RIMS1: variants seen among roughly 807,000 people sequenced by gnomAD.
The protein encoded by RIMS1 is regulating synaptic membrane exocytosis 1, also known as regulating synaptic membrane exocytosis protein 1.
Under a neutral mutation model 214.1 loss-of-function variants are expected in RIMS1, and 83 were observed. The observed-to-expected ratio is 0.39, with a 90% CI of 0.32 to 0.47. The LOEUF is 0.47. Among genes scored for constraint, RIMS1 ranks in the 20% least tolerant of loss-of-function variants. RIMS1 has a pLI of 0.99. For synonymous variants in RIMS1, 793 were observed against 786.8 expected, an observed-to-expected ratio of 1.01 and a Z score of -0.13; for missense variants, 2,050 against 2,161.8, an observed-to-expected ratio of 0.95 and a Z score of 1.03.
At chr6:72,320,344 A>C (rs1202715160) in intron 28 of RIMS1, among the ~76,000 whole-genome samples, 1 of 152,166 alleles carries the variant, frequency 6.6e-6, no homozygotes, top group Non-Finnish European at 1.5e-5. Flanking sequence ...AAGCAGTTCT[A>C]CTAGTATTTG....
intron 2 of RIMS1, among the ~76,000 whole-genome samples, chr6:72,064,918 G>A (rs559502092): frequency 3.7e-4 from 56 of 152,238 alleles, no homozygotes; most frequent in African/African-American, 1.3e-3. Flanking sequence ...GCAGGCATGC[G>A]TTTGCTGTAA....
In RIMS1 at chr6:72,212,697, G is replaced by A. The variant is rs2054035664; in HGVS notation, c.1679-21076G>A. ...GGACACTAGTTAGAGTAATTTGGGC[G>A]ATAAGTAAACAGAAGGAATGGCTAG... On this transcript the variant is annotated intron_variant, in intron 6 of 33. Coordinates refer to ENST00000521978, the MANE Select transcript of RIMS1 (RefSeq NM_014989.7). 4 of 508,550 alleles carry A rather than the reference G, an allele frequency of 7.9e-6. No individual in the cohort carries two copies. The South Asian group carries it at 3.5e-4, about 44-fold the overall frequency. 31.5% of individuals were successfully genotyped at this position (508,550 alleles called of 1,614,324 possible). A position where few individuals can be genotyped will look rare whatever the true frequency, so the allele number is the denominator to read the frequency against.
At chr6:72,264,118 G>A in intron 19 of RIMS1, 1 of 623,174 alleles carries the variant, frequency 1.6e-6, no homozygotes, top group Non-Finnish European at 2.0e-6. Flanking sequence ...TGTTTAGGAA[G>A]CCTTTGATAA....
Position 72,091,355 on chromosome 6 carries a change from A to G in RIMS1, c.246-5594A>G, listed in dbSNP as rs549437496. 2.0e-3 allele frequency among the ~76,000 whole-genome samples: 307 copies of G among 152,336 alleles called. 3 individuals carry two copies. In the South Asian group the frequency reaches 0.024, roughly 12 times the overall value. ...AGATTCTCATTACTTTGGGAATGGG[A>G]GAAGAAAAAATACCAAATAGAAAAA... On this transcript the variant is annotated intron_variant, in intron 2 of 33. Transcript: ENST00000521978.
intron 19 of RIMS1, chr6:72,262,795 G>A: frequency 1.3e-6 from 1 of 767,090 alleles, no homozygotes; most frequent in African/African-American, 1.9e-5. Flanking sequence ...AAAATCTAAA[G>A]CTTTCAAAAT....
chr6:72,100,119 G>T, intron 4 of RIMS1, 133 bp downstream of exon 4: 1 of 720,482 alleles, frequency 1.4e-6, no homozygotes, highest in South Asian at 1.8e-5. Flanking sequence ...CTCATTTCCA[G>T]CTCTCATGAA....
intron 2 of RIMS1, among the ~76,000 whole-genome samples, chr6:72,090,418 C>T (rs1835902927): frequency 6.6e-6 from 1 of 152,050 alleles, no homozygotes; most frequent in Non-Finnish European, 1.5e-5. Flanking sequence ...TAGCAGAAAA[C>T]TCCATTATTT....
intron 6 of RIMS1, among the ~76,000 whole-genome samples, chr6:72,206,883 C>T (rs925213445): frequency 3.3e-5 from 5 of 152,190 alleles, no homozygotes; most frequent in Non-Finnish European, 7.3e-5. Context: ...GCTTCAGCCA[C>T]TTTCACCACT....
chr6:71,971,039 A>T (rs1424135594), intron 2 of RIMS1, among the ~76,000 whole-genome samples: 1 of 152,178 alleles, frequency 6.6e-6, no homozygotes, highest in African/African-American at 2.4e-5. Flanking sequence ...TAAAAATAAA[A>T]GATAATAGAA....
intron 29 of RIMS1, among the ~76,000 whole-genome samples, chr6:72,355,059 A>G (rs1031633797): frequency 1.3e-5 from 2 of 152,200 alleles, no homozygotes; most frequent in African/African-American, 2.4e-5. Context: ...AAGGTAGACA[A>G]TATCTTAGAA....
At chr6:72,250,241 C>T (rs2072570370) in intron 12 of RIMS1, 89 bp from the exon 13 acceptor site, 6 of 1,246,444 alleles carry the variant, frequency 4.8e-6, no homozygotes, top group Middle Eastern at 1.9e-4. Context: ...TCAAAATTTC[C>T]TCATTTAAAT....
intron 19 of RIMS1, among the ~76,000 whole-genome samples, chr6:72,264,684 C>G (rs2079593073): frequency 6.6e-6 from 1 of 152,068 alleles, no homozygotes; most frequent in Admixed American, 6.6e-5. Flanking sequence ...GATTAAGTAG[C>G]ACATTTACAT....
chr6:72,367,051 C>T (rs2154396334), intron 29 of RIMS1, among the ~76,000 whole-genome samples: 1 of 152,132 alleles, frequency 6.6e-6, no homozygotes, highest in South Asian at 2.1e-4. Flanking sequence ...AATGAAAAAA[C>T]ATAAAAATTA....
chr6:71,935,450 AAAC>A lies in RIMS1; in HGVS notation c.165-33530_165-33528del, dbSNP rs1456856371. Among the ~76,000 whole-genome samples the A allele has an allele frequency of 5.3e-5, 8 of 152,364 alleles. No homozygotes were observed. The South Asian group carries it at 1.0e-3, about 20-fold the overall frequency. Reference sequence around the variant, plus strand: ...TGTTGTTTTCATTTTGATAAGAAAAAAACAAAAAATTTATAATCACATAATTAA... The same window carrying A: ...TGTTGTTTTCATTTTGATAAGAAAAAAAAAAATTTATAATCACATAATTAA... On this transcript the variant is annotated intron_variant, in intron 1 of 33. Coordinates refer to ENST00000521978, the MANE Select transcript of RIMS1 (RefSeq NM_014989.7).
chr6:72,179,814 A>C lies in RIMS1; in HGVS notation c.711A>C (p.Ala237=), dbSNP rs1053739702. ...CCCAGGATGCTGCTCCTCCCAGCGC[A>C]CCACCAGACAGGAGCAAAGGGGCTG... ...ASSQDAAPPS[A]PPDRSKGAEP... Residue 237 remains alanine, a synonymous_variant, in exon 5 of 34, where the codon GCA becomes GCC. Coordinates refer to ENST00000521978, the MANE Select transcript of RIMS1 (RefSeq NM_014989.7). The C allele has an allele frequency of 6.2e-7, 1 of 1,613,610 alleles. No homozygotes were observed. Among genetic ancestry groups the C allele is most frequent in the Non-Finnish European group, 8.5e-7 (1 of 1,179,698 alleles).
At chr6:72,190,387 C>T (rs571236397) in intron 6 of RIMS1, among the ~76,000 whole-genome samples, 19 of 149,358 alleles carry the variant, frequency 1.3e-4, no homozygotes, top group Non-Finnish European at 2.2e-4. Context: ...CATTTGAACC[C>T]GGGAGGCAGA....
intron 1 of RIMS1, among the ~76,000 whole-genome samples, chr6:71,945,008 G>A (rs1000695350): frequency 4.6e-5 from 7 of 152,148 alleles, no homozygotes; most frequent in Admixed American, 3.3e-4. Flanking sequence ...GTTTTCCTGA[G>A]TTACTATGTG....
At chr6:72,137,571 C>T (rs562351546) in intron 4 of RIMS1, among the ~76,000 whole-genome samples, 15 of 151,484 alleles carry the variant, frequency 9.9e-5, no homozygotes, top group African/African-American at 3.6e-4. Flanking sequence ...TGTAAGCATT[C>T]TTTGTATATT....
chr6:72,261,269 C>T (rs528043394), intron 19 of RIMS1: 1 of 999,714 alleles, frequency 1.0e-6, no homozygotes, highest in African/African-American at 1.7e-5. Flanking sequence ...AATGGCTGAG[C>T]TTCAGCTTCT....
Sources: gnomAD v4.1 joint callset for allele counts (sites outside exome capture counted in the v4.1 genomes callset) on GRCh38, gnomAD v4.1.1 for gene constraint, MANE v1.5 for transcripts, NCBI Gene and HGNC (gene_info 2026-07-23, HGNC 2026-07-21) for gene names.